CPEB1: variants seen among roughly 807,000 people sequenced by gnomAD.
The protein encoded by CPEB1 is cytoplasmic polyadenylation element-binding protein 1.
In CPEB1, 7 loss-of-function variants were observed where a neutral mutation model predicts 65.8. The ratio of observed to expected loss-of-function variants is 0.11; its 90% CI spans 0.06 to 0.20. The LOEUF is 0.20. Among genes scored for constraint, CPEB1 ranks in the 10% least tolerant of loss-of-function variants. CPEB1 has a pLI of 1.00. For synonymous variants in CPEB1, 262 were observed against 260.0 expected, an observed-to-expected ratio of 1.01 and a Z score of -0.08; for missense variants, 551 against 712.2, an observed-to-expected ratio of 0.77 and a Z score of 2.58.
intron 1 of CPEB1, chr15:82,629,123 G>A (rs2046021698): frequency 1.5e-5 from 4 of 268,860 alleles, no homozygotes; most frequent in Non-Finnish European, 2.3e-5. Flanking sequence ...CAATACAGCT[G>A]TTTAAAAATT....
intron 1 of CPEB1, among the ~76,000 whole-genome samples, chr15:82,638,839 T>G (rs1042224291): frequency 6.6e-6 from 1 of 152,216 alleles, no homozygotes; most frequent in Non-Finnish European, 1.5e-5. Context: ...TCAAGGACAT[T>G]TGTAAGTGAC....
chr15:82,564,484 G>A (rs2038794842), intron 4 of CPEB1, among the ~76,000 whole-genome samples: 1 of 152,044 alleles, frequency 6.6e-6, no homozygotes, highest in African/African-American at 2.4e-5. Flanking sequence ...TAGCAGAGAT[G>A]GGGTTTCACC....
At chr15:82,645,823 G>A (rs1352520233) in intron 1 of CPEB1, among the ~76,000 whole-genome samples, 1 of 152,010 alleles carries the variant, frequency 6.6e-6, no homozygotes, top group Non-Finnish European at 1.5e-5. Flanking sequence ...AGCCAAGATC[G>A]CGAGACTGCA....
chr15:82,638,487 T>A (rs1054797096), intron 1 of CPEB1: 5 of 152,274 alleles, frequency 3.3e-5, no homozygotes, highest in African/African-American at 4.8e-5. Flanking sequence ...CCAAAATTCT[T>A]ATTTTTTTCT....
At chr15:82,574,842 G>C (rs1488895033) in intron 3 of CPEB1, among the ~76,000 whole-genome samples, 1 of 151,828 alleles carries the variant, frequency 6.6e-6, no homozygotes, top group Admixed American at 6.6e-5. Context: ...AACTACAGTG[G>C]GGTTATGGTC....
chr15:82,591,886 A>G (rs958304805), intron 3 of CPEB1, among the ~76,000 whole-genome samples: 4 of 148,584 alleles, frequency 2.7e-5, no homozygotes, highest in Non-Finnish European at 5.9e-5. Flanking sequence ...TCTGTCACCC[A>G]GGCTGGAGTG....
In CPEB1 at chr15:82,553,325, C is replaced by G. The variant is rs2036602434; in HGVS notation, c.1144+142G>C. On this transcript the variant is annotated intron_variant, in intron 8 of 12. Coordinates refer to ENST00000684509, the MANE Select transcript of CPEB1 (RefSeq NM_001365242.1). Reference sequence around the variant, plus strand: ...TGTTAGGTTGAAGAGAAAGTGCTGACAGATGGCAGGTCTGTGCCCTGGAGT... The same window carrying G: ...TGTTAGGTTGAAGAGAAAGTGCTGAGAGATGGCAGGTCTGTGCCCTGGAGT... The G allele has an allele frequency of 4.7e-5, 30 of 638,742 alleles. 1 individual carries two copies. In the South Asian group the frequency reaches 5.3e-4, roughly 11 times the overall value. The allele number at this position is 638,742 out of a possible 1,614,324, so 39.6% of individuals were successfully genotyped here.
At chr15:82,614,852 T>TGA (rs2044549804) in intron 3 of CPEB1, among the ~76,000 whole-genome samples, 1 of 91,754 alleles carries the variant, frequency 1.1e-5, no homozygotes, top group African/African-American at 4.4e-5. Context: ...AATATAAGTG[T>TGA]GTGTGTGTGT....
chr15:82,604,485 C>CAAAAAAAAAAAAAAAAACAAAAAA (rs1232646711), intron 3 of CPEB1, among the ~76,000 whole-genome samples: 1 of 80,516 alleles, frequency 1.2e-5, no homozygotes. Context: ...GACTCCATCT[C>CAAAAAAAAAAAAAAAAACAAAAAA]AAAAAAAAAA....
intron 3 of CPEB1, among the ~76,000 whole-genome samples, chr15:82,582,820 C>G (rs1199527036): frequency 6.7e-6 from 1 of 148,662 alleles, no homozygotes; most frequent in Non-Finnish European, 1.5e-5. Flanking sequence ...GGACTCACCG[C>G]AAGCTCCGCC....
chr15:82,616,073 T>C (rs1382787938), intron 3 of CPEB1, among the ~76,000 whole-genome samples: 1 of 152,034 alleles, frequency 6.6e-6, no homozygotes, highest in Non-Finnish European at 1.5e-5. Context: ...ATTATAAATA[T>C]GACACATGGA....
intron 11 of CPEB1, among the ~76,000 whole-genome samples, chr15:82,546,767 A>G (rs1405097645): frequency 2.0e-5 from 3 of 152,084 alleles, no homozygotes; most frequent in African/African-American, 7.2e-5. Context: ...GCAACCACAC[A>G]CCTTAATGCC....
chr15:82,591,182 CTATTATT>C (rs1239463415), intron 3 of CPEB1, among the ~76,000 whole-genome samples: 1 of 152,154 alleles, frequency 6.6e-6, no homozygotes, highest in African/African-American at 2.4e-5. Flanking sequence ...TTACCAGCAT[CTATTATT>C]TAACTTTTTA....
intron 3 of CPEB1, among the ~76,000 whole-genome samples, chr15:82,605,391 G>A (rs2043474441): frequency 6.6e-6 from 1 of 151,940 alleles, no homozygotes; most frequent in East Asian, 1.9e-4. Context: ...TAACCAAATG[G>A]GGGCGGGATA....
At chr15:82,576,631 G>T (rs899280650) in intron 3 of CPEB1, among the ~76,000 whole-genome samples, 3 of 152,104 alleles carry the variant, frequency 2.0e-5, no homozygotes, top group Admixed American at 6.6e-5. Context: ...TAGCTTTTAT[G>T]TATGCTTGAA....
intron 3 of CPEB1, among the ~76,000 whole-genome samples, chr15:82,591,364 T>C (rs1034131111): frequency 6.6e-6 from 1 of 152,116 alleles, no homozygotes. Context: ...CAGGTTCAAA[T>C]GATTCTCATG....
intron 3 of CPEB1, among the ~76,000 whole-genome samples, chr15:82,587,440 C>T (rs1163225696): frequency 6.6e-6 from 1 of 152,126 alleles, no homozygotes; most frequent in Non-Finnish European, 1.5e-5. Context: ...AAATGGACTA[C>T]GAACTTAGCC....
intron 3 of CPEB1, among the ~76,000 whole-genome samples, chr15:82,618,391 G>T (rs532185917): frequency 3.9e-5 from 6 of 151,946 alleles, no homozygotes; most frequent in African/African-American, 1.5e-4. Context: ...TGCACAATAC[G>T]TATGTATGTA....
chr15:82,549,100 C>G lies in CPEB1; in HGVS notation c.1480+360G>C, dbSNP rs150521145. On this transcript the variant is annotated intron_variant, in intron 10 of 12. Coordinates refer to ENST00000684509, the MANE Select transcript of CPEB1 (RefSeq NM_001365242.1). ...CTTTTCAAGAACTTTTAATAAAAAA[C>G]TCCAGGCAAGTTCAGAGAATTGCAG... is the stretch of plus-strand genomic sequence containing the variant. 2.0e-5 allele frequency among the ~76,000 whole-genome samples: 3 copies of G among 152,376 alleles called. No homozygotes were observed. In the East Asian group the frequency reaches 5.8e-4, roughly 29 times the overall value.
Sources: gnomAD v4.1 joint callset for allele counts (sites outside exome capture counted in the v4.1 genomes callset) on GRCh38, gnomAD v4.1.1 for gene constraint, MANE v1.5 for transcripts, NCBI Gene and HGNC (gene_info 2026-07-23, HGNC 2026-07-21) for gene names.